The following KIAA1328 variants were observed in gnomAD, a reference collection of about 807,000 sequenced individuals.
KIAA1328 encodes protein hinderin.
Under a neutral mutation model 68.1 loss-of-function variants are expected in KIAA1328, and 52 were observed. That is an observed-to-expected ratio of 0.76 (90% confidence interval 0.61 to 0.96). The LOEUF is 0.96. KIAA1328 is among the 40% of genes least tolerant of loss of function. The pLI is 0.00. For missense variants in KIAA1328, 641 were observed against 677.6 expected, an observed-to-expected ratio of 0.95 and a Z score of 0.60; for synonymous variants, 232 against 239.4, an observed-to-expected ratio of 0.97 and a Z score of 0.28.
At chr18:37,186,434 G>A (rs895440855) in intron 9 of KIAA1328, among the ~76,000 whole-genome samples, 8 of 151,752 alleles carry the variant, frequency 5.3e-5, no homozygotes, top group South Asian at 2.1e-4. Context: ...AGGCATGGTA[G>A]TGTGCGCCTG....
At chr18:37,060,440 C>T (rs188381195) in intron 6 of KIAA1328, among the ~76,000 whole-genome samples, 36 of 152,210 alleles carry the variant, frequency 2.4e-4, no homozygotes, top group Middle Eastern at 3.4e-3. Flanking sequence ...AAGACCACAA[C>T]GAGATTTCAC....
intron 9 of KIAA1328, among the ~76,000 whole-genome samples, chr18:37,198,410 A>G (rs1321550439): frequency 6.6e-6 from 1 of 152,218 alleles, no homozygotes; most frequent in African/African-American, 2.4e-5. Context: ...CAGTGTCATT[A>G]TGTAAGATAA....
At chr18:37,168,238 A>C (rs916436281) in intron 8 of KIAA1328, among the ~76,000 whole-genome samples, 5 of 152,234 alleles carry the variant, frequency 3.3e-5, no homozygotes, top group African/African-American at 1.2e-4. Context: ...GGACAAGGAG[A>C]GGTATTGGAA....
At chr18:36,966,210 C>T (rs763270044) in intron 6 of KIAA1328, among the ~76,000 whole-genome samples, 4 of 152,122 alleles carry the variant, frequency 2.6e-5, no homozygotes, top group Non-Finnish European at 4.4e-5. Context: ...GGCATTTCCA[C>T]ATTAAGAAAG....
chr18:37,041,799 A>G (rs1415542342), intron 6 of KIAA1328, among the ~76,000 whole-genome samples: 2 of 152,188 alleles, frequency 1.3e-5, no homozygotes, highest in Non-Finnish European at 2.9e-5. Flanking sequence ...GAATACCAAC[A>G]GTATTCCAAT....
At position 37,091,418 on chromosome 18, in the gene KIAA1328, A is replaced by G. The variant is rs116286171; in HGVS notation, c.1232+23873A>G. Among the ~76,000 whole-genome samples the G allele has an allele frequency of 6.5e-3, 986 of 152,306 alleles. 14 individuals carry two copies. Among genetic ancestry groups the G allele is most frequent in the African/African-American group, 0.022 (915 of 41,564 alleles). On this transcript the variant is annotated intron_variant, in intron 7 of 9. Coordinates refer to ENST00000280020, the MANE Select transcript of KIAA1328 (RefSeq NM_020776.3). Reference sequence around the variant, plus strand: ...TAAGTTCTGCCTTCATTATAGGGAAAGAGTTAGCAAGTGATTTCTATTGGT... The same window carrying G: ...TAAGTTCTGCCTTCATTATAGGGAAGGAGTTAGCAAGTGATTTCTATTGGT...
chr18:36,941,149 A>G (rs546618914), intron 5 of KIAA1328, among the ~76,000 whole-genome samples: 2 of 152,206 alleles, frequency 1.3e-5, no homozygotes, highest in African/African-American at 2.4e-5. Context: ...GGTATGATTA[A>G]TAGTTTGAAT....
intron 4 of KIAA1328, among the ~76,000 whole-genome samples, chr18:36,870,437 T>C (rs1220169786): frequency 1.3e-5 from 2 of 152,126 alleles, no homozygotes; most frequent in Non-Finnish European, 2.9e-5. Context: ...AATTTACTTA[T>C]GGTAATATAA....
chr18:37,147,551 G>A (rs1335472693), intron 7 of KIAA1328, among the ~76,000 whole-genome samples: 1 of 152,222 alleles, frequency 6.6e-6, no homozygotes, highest in East Asian at 1.9e-4. Flanking sequence ...TATGCTTTGT[G>A]AGGGCAGATC....
intron 7 of KIAA1328, among the ~76,000 whole-genome samples, chr18:37,146,029 C>T (rs1020490892): frequency 9.2e-5 from 14 of 151,938 alleles, no homozygotes; most frequent in Admixed American, 3.9e-4. Flanking sequence ...TTTGTTTATT[C>T]ATTGCTGTTT....
At chr18:36,902,561 T>A (rs1477515565) in intron 5 of KIAA1328, among the ~76,000 whole-genome samples, 1 of 152,058 alleles carries the variant, frequency 6.6e-6, no homozygotes, top group Non-Finnish European at 1.5e-5. Context: ...GAGGAAAAAA[T>A]AATTCTACAT....
intron 2 of KIAA1328, 58 bp downstream of exon 2, chr18:36,834,413 A>C (rs2046602208): frequency 7.1e-7 from 1 of 1,404,240 alleles, no homozygotes; most frequent in South Asian, 1.5e-5. Flanking sequence ...ATGTTAGAAG[A>C]AAATAAAGCT....
intron 7 of KIAA1328, 88 bp from the exon 8 acceptor site, chr18:37,160,112 G>C: frequency 4.1e-6 from 4 of 980,332 alleles, no homozygotes; most frequent in Non-Finnish European, 5.8e-6. Flanking sequence ...TTAATGAATT[G>C]CATTTCAACC....
At chr18:37,136,267 G>A (rs1223138691) in intron 7 of KIAA1328, among the ~76,000 whole-genome samples, 1 of 151,928 alleles carries the variant, frequency 6.6e-6, no homozygotes, top group Non-Finnish European at 1.5e-5. Flanking sequence ...ACCAACATGA[G>A]GTCCTATAAA....
intron 6 of KIAA1328, among the ~76,000 whole-genome samples, chr18:37,045,536 A>G (rs755675739): frequency 4.0e-5 from 6 of 151,030 alleles, no homozygotes; most frequent in Admixed American, 1.3e-4. Context: ...CCGTCATCTC[A>G]TAGACTGTTT....
chr18:37,136,615 A>G (rs562033445), intron 7 of KIAA1328, among the ~76,000 whole-genome samples: 1 of 152,234 alleles, frequency 6.6e-6, no homozygotes, highest in Non-Finnish European at 1.5e-5. Context: ...GTACCTCCAC[A>G]TGGAAGGCAT....
chr18:36,829,198 T>A lies in KIAA1328; in HGVS notation c.58+2T>A. On this transcript the variant is annotated splice_donor_variant, in intron 1 of 9. Coordinates refer to ENST00000280020, the MANE Select transcript of KIAA1328 (RefSeq NM_020776.3). LOFTEE classifies it high-confidence loss of function. ...CCGCGGCGTTCTGGAGCCGGGACTG[T>A]ATCCTTTGCCCGCCTGACAGGGGGC... The A allele has an allele frequency of 1.3e-6, 2 of 1,527,084 alleles. No individual in the cohort carries two copies. The highest frequency in any genetic ancestry group is 1.8e-6 in the Non-Finnish European group (2 of 1,139,208). The allele number at this position is 1,527,084 out of a possible 1,614,324, so 94.6% of individuals were successfully genotyped here.
intron 6 of KIAA1328, among the ~76,000 whole-genome samples, chr18:36,980,807 G>A (rs2052653248): frequency 6.6e-6 from 1 of 152,164 alleles, no homozygotes; most frequent in African/African-American, 2.4e-5. Context: ...AGTTCTGACA[G>A]TATTATAAGG....
intron 6 of KIAA1328, among the ~76,000 whole-genome samples, chr18:36,992,338 A>G (rs541812153): frequency 3.2e-4 from 48 of 151,994 alleles, no homozygotes; most frequent in Non-Finnish European, 6.6e-4. Flanking sequence ...ATTCTTGTAC[A>G]TCGTCTTCTA....
Sources: gnomAD v4.1 joint callset for allele counts (sites outside exome capture counted in the v4.1 genomes callset) on GRCh38, gnomAD v4.1.1 for gene constraint, MANE v1.5 for transcripts, NCBI Gene and HGNC (gene_info 2026-07-23, HGNC 2026-07-21) for gene names.